Variants in EVA1A observed in about 807,000 individuals in gnomAD.
EVA1A encodes the protein protein eva-1 homolog A.
Under a neutral mutation model 9.8 loss-of-function variants are expected in EVA1A, and 7 were observed. The ratio of observed to expected loss-of-function variants is 0.71; its 90% confidence interval spans 0.41 to 1.34. The LOEUF (loss-of-function observed/expected upper bound fraction) is 1.34. Ranked by LOEUF, EVA1A falls within the 40% of genes most tolerant of loss-of-function variation. The pLI is 0.01. For synonymous variants in EVA1A, 90 were observed against 85.6 expected (o/e 1.05, Z -0.28); for missense variants, 206 against 205.9 (o/e 1.00, Z 0.00).
intron 1 of EVA1A, among the ~76,000 whole-genome samples, chr2:75,548,463 T>C (rs1326783976): frequency 1.3e-5 from 2 of 152,150 alleles, no homozygotes; most frequent in African/African-American, 2.4e-5. Flanking sequence ...CACTCCCCTA[T>C]GTCCCACTCT....
chr2:75,499,578 G>A (rs529986890), intron 3 of EVA1A, among the ~76,000 whole-genome samples: 1 of 152,292 alleles, frequency 6.6e-6, no homozygotes, highest in East Asian at 1.9e-4. Flanking sequence ...TCTCCCAAGG[G>A]TCAGGTCTTG....
upstream of EVA1A, among the ~76,000 whole-genome samples, chr2:75,565,040 AAT>A (rs1380271281): frequency 6.6e-6 from 1 of 152,186 alleles, no homozygotes; most frequent in Non-Finnish European, 1.5e-5. Context: ...TTGCAGTGAG[AAT>A]ATGTCCCGAT....
intron 3 of EVA1A, among the ~76,000 whole-genome samples, chr2:75,499,549 T>C (rs7607514): frequency 1.5e-4 from 23 of 152,246 alleles, no homozygotes; most frequent in African/African-American, 4.6e-4. Context: ...TGGGTTCTGC[T>C]GTTTATCAAG....
chr2:75,508,219 A>G (rs1048308220), intron 3 of EVA1A, among the ~76,000 whole-genome samples: 1 of 152,228 alleles, frequency 6.6e-6, no homozygotes, highest in Non-Finnish European at 1.5e-5. Context: ...TGAAAAAAGA[A>G]CAGGATAACA....
rs184901804 is a variant in EVA1A, at chr2:75,531,645, G to A, written c.-191-9158C>T. ...ATGGAGTTGGAGACCATTATTCTAAGTGAAGTAACTCAGGAATAGAAAACC... is the reference window on the plus strand; with the variant it reads ...ATGGAGTTGGAGACCATTATTCTAAATGAAGTAACTCAGGAATAGAAAACC... On this transcript the variant is annotated intron_variant, in intron 1 of 3. Transcript: ENST00000393913. Among the ~76,000 whole-genome samples, 59 of 152,224 alleles carry A rather than the reference G, an allele frequency of 3.9e-4. 1 individual carries two copies. The highest frequency in any genetic ancestry group is 3.3e-4 in the Admixed American group (5 of 15,284).
intron 1 of EVA1A, among the ~76,000 whole-genome samples, chr2:75,538,025 C>G (rs1675978845): frequency 6.6e-6 from 1 of 152,196 alleles, no homozygotes; most frequent in South Asian, 2.1e-4. Context: ...TGTGGTGGCT[C>G]ACACCTGTAA....
chr2:75,569,296 C>T (rs916810184), intron 1 of EVA1A, among the ~76,000 whole-genome samples: 2 of 152,122 alleles, frequency 1.3e-5, no homozygotes, highest in East Asian at 1.9e-4. Context: ...CCTCAGCTCA[C>T]GGTAGTCTGG....
chr2:75,535,303 A>AAAAAAT (rs1174640071), intron 1 of EVA1A, among the ~76,000 whole-genome samples: 251 of 151,530 alleles, frequency 1.7e-3, no homozygotes, highest in African/African-American at 5.7e-3. Context: ...GGCAAAAAAA[A>AAAAAAT]AAAAAAAAAG....
intron 1 of EVA1A, among the ~76,000 whole-genome samples, chr2:75,568,344 T>G (rs1276430445): frequency 6.7e-6 from 1 of 150,086 alleles, no homozygotes; most frequent in Admixed American, 6.7e-5. Flanking sequence ...AAGTAAAATT[T>G]AATAATTAAA....
intron 1 of EVA1A, among the ~76,000 whole-genome samples, chr2:75,554,201 G>A (rs1232649343): frequency 6.6e-6 from 1 of 152,194 alleles, no homozygotes; most frequent in East Asian, 1.9e-4. Context: ...GCAGGAGGGG[G>A]CAAGGCAAAA....
At chr2:75,559,706 G>GGGGGGGGGGGGGT (rs1676850757) in intron 1 of EVA1A, among the ~76,000 whole-genome samples, 1 of 131,218 alleles carries the variant, frequency 7.6e-6, no homozygotes, top group Non-Finnish European at 1.6e-5. Flanking sequence ...GTGGGGGGGG[G>GGGGGGGGGGGGGT]GCGGGGGAGT....
intron 3 of EVA1A, chr2:75,517,734 C>G (rs1320175615): frequency 2.8e-6 from 2 of 711,278 alleles, no homozygotes; most frequent in Non-Finnish European, 5.2e-6. Context: ...CTGAGGTACT[C>G]CATCAGCCCC....
chr2:75,498,434 C>A (rs1674290144), intron 3 of EVA1A, among the ~76,000 whole-genome samples: 1 of 151,948 alleles, frequency 6.6e-6, no homozygotes, highest in Non-Finnish European at 1.5e-5. Flanking sequence ...CAGTGACATG[C>A]AATTTACCCA....
chr2:75,535,970 C>G (rs1403652205), intron 1 of EVA1A, among the ~76,000 whole-genome samples: 1 of 152,202 alleles, frequency 6.6e-6, no homozygotes, highest in Admixed American at 6.5e-5. Flanking sequence ...CAACTATACA[C>G]TATAAGAAAC....
At chr2:75,507,576 G>A (rs76817917) in intron 3 of EVA1A, among the ~76,000 whole-genome samples, 2 of 152,130 alleles carry the variant, frequency 1.3e-5, no homozygotes, top group Admixed American at 1.3e-4. Context: ...GATACAAAGA[G>A]GCAACCTACT....
rs775760761 is a variant in EVA1A at position 75,518,067 on chromosome 2, G to T, written c.74C>A (p.Ser25Tyr). Residue 25 changes from serine (S) to tyrosine (Y), a missense_variant, in exon 3 of 4, where the codon TCC becomes TAC. Transcript: ENST00000393913. ...AACCAGGCACCTACCTGAGACAAAG[G>T]AATAGGCCGCTAGGATGTTGCTGAG... Reference protein sequence around the residue: ...ALLSNILAAYSFVSENPERAA... With the variant: ...ALLSNILAAYYFVSENPERAA... 6.2e-7 allele frequency: 1 copy of T among 1,614,132 alleles called. No homozygotes were observed. The highest frequency in any genetic ancestry group is 2.2e-5 in the East Asian group (1 of 44,858).
chr2:75,536,371 A>G (rs1363101061), intron 1 of EVA1A, among the ~76,000 whole-genome samples: 39 of 152,132 alleles, frequency 2.6e-4, no homozygotes, highest in Admixed American at 2.6e-3. Context: ...CCCCCCAAAT[A>G]AAACAAAGCA....
chr2:75,563,465 C>G (rs538508845), upstream of EVA1A, among the ~76,000 whole-genome samples: 1 of 152,340 alleles, frequency 6.6e-6, no homozygotes, highest in South Asian at 2.1e-4. Context: ...CTACTAACTT[C>G]ATGCTTGCAT....
chr2:75,500,513 C>T (rs1237337758), intron 3 of EVA1A, among the ~76,000 whole-genome samples: 2 of 151,946 alleles, frequency 1.3e-5, no homozygotes, highest in African/African-American at 4.9e-5. Flanking sequence ...TCATGAGTAC[C>T]TAAATACATA....
Sources: gnomAD v4.1 joint callset for allele counts (sites outside exome capture counted in the v4.1 genomes callset) on GRCh38, gnomAD v4.1.1 for gene constraint, MANE v1.5 for transcripts, NCBI Gene and HGNC (gene_info 2026-07-23, HGNC 2026-07-21) for gene names.